The following CTBP2 variants were observed in gnomAD, a reference collection of about 807,000 sequenced individuals.
The protein encoded by CTBP2 is C-terminal binding protein 2.
A neutral mutation model predicts 80.3 loss-of-function variants in CTBP2; 30 were observed. That is an observed-to-expected ratio of 0.37 (90% confidence interval 0.28 to 0.51). CTBP2 has a LOEUF of 0.51. CTBP2 is among the 20% of genes least tolerant of loss of function. The pLI is 0.93. For missense variants in CTBP2, 1,212 were observed against 1,375.3 expected, an observed-to-expected ratio of 0.88 and a Z score of 1.88; for synonymous variants, 594 against 587.4, an observed-to-expected ratio of 1.01 and a Z score of -0.16.
chr10:125,162,337 CA>C (rs1238746643), upstream of CTBP2: 1 of 152,122 alleles, frequency 6.6e-6, no homozygotes, highest in Non-Finnish European at 1.5e-5. Flanking sequence ...CAGCCAGGGC[CA>C]GGGGGCCGGA....
intron 2 of CTBP2, among the ~76,000 whole-genome samples, chr10:125,080,519 T>A (rs972898224): frequency 2.0e-5 from 3 of 152,242 alleles, no homozygotes; most frequent in Non-Finnish European, 1.5e-5. Flanking sequence ...GGCTGCCACC[T>A]GTGCCATCTT....
intron 1 of CTBP2, among the ~76,000 whole-genome samples, chr10:125,129,694 G>A (rs1855834198): frequency 6.6e-6 from 1 of 152,174 alleles, no homozygotes; most frequent in African/African-American, 2.4e-5. Flanking sequence ...AACCTCAGCT[G>A]GGAACATTTT....
At chr10:125,088,573 A>G (rs1246199582) in intron 2 of CTBP2, among the ~76,000 whole-genome samples, 1 of 151,964 alleles carries the variant, frequency 6.6e-6, no homozygotes, top group Non-Finnish European at 1.5e-5. Context: ...AGCTGAAATC[A>G]CCCCGGATAA....
At chr10:124,993,780 C>CA in intron 6 of CTBP2, 75 bp downstream of exon 8, 1 of 1,523,224 alleles carries the variant, frequency 6.6e-7, no homozygotes, top group Non-Finnish European at 8.8e-7. Flanking sequence ...AAAAGGGCCT[C>CA]GAGTTCAAAG....
chr10:125,091,487 C>T (rs569359204), intron 2 of CTBP2, among the ~76,000 whole-genome samples: 17 of 152,160 alleles, frequency 1.1e-4, no homozygotes, highest in Non-Finnish European at 1.5e-4. Flanking sequence ...TAAAAAGTAA[C>T]ATAGGCCAGG....
At chr10:125,078,093 A>AGT (rs1210302690) in intron 2 of CTBP2, among the ~76,000 whole-genome samples, 2 of 152,164 alleles carry the variant, frequency 1.3e-5, no homozygotes, top group Non-Finnish European at 2.9e-5. Context: ...ATCCTGGCTA[A>AGT]CACGGTGAAA....
At chr10:125,078,469 A>T (rs1846638646) in intron 2 of CTBP2, among the ~76,000 whole-genome samples, 1 of 152,024 alleles carries the variant, frequency 6.6e-6, no homozygotes, top group South Asian at 2.1e-4. Flanking sequence ...CGTCACCTCA[A>T]ACTGCCTGTT....
chr10:125,162,169 T>C (rs1231855801), upstream of CTBP2, among the ~76,000 whole-genome samples: 4 of 152,136 alleles, frequency 2.6e-5, no homozygotes, highest in Non-Finnish European at 5.9e-5. Context: ...TATTGAGATA[T>C]TAGGAGCTGG....
chr10:125,127,098 C>T (rs552417473), intron 1 of CTBP2, among the ~76,000 whole-genome samples: 33 of 152,288 alleles, frequency 2.2e-4, no homozygotes, highest in Admixed American at 1.3e-4. Context: ...TAGGCACGGA[C>T]GAAGGAGGGA....
intron 1 of CTBP2, among the ~76,000 whole-genome samples, chr10:125,124,011 G>A (rs369375629): frequency 9.4e-4 from 143 of 152,332 alleles, no homozygotes; most frequent in African/African-American, 3.2e-3. Flanking sequence ...TGGCTAAATC[G>A]AAACTACAGA....
chr10:125,033,783 AG>A (rs1163689506), intron 3 of CTBP2, among the ~76,000 whole-genome samples: 4 of 152,054 alleles, frequency 2.6e-5, no homozygotes, highest in Non-Finnish European at 5.9e-5. Context: ...CGGGACCAAG[AG>A]GACAGGCACT....
intron 1 of CTBP2, among the ~76,000 whole-genome samples, chr10:125,125,288 C>T (rs1238659628): frequency 1.3e-5 from 2 of 152,144 alleles, no homozygotes; most frequent in East Asian, 1.9e-4. Context: ...ATTTGCCATC[C>T]GAGTAGCAAA....
chr10:125,113,861 G>A (rs765089637), intron 1 of CTBP2, among the ~76,000 whole-genome samples: 19 of 152,198 alleles, frequency 1.2e-4, no homozygotes, highest in Non-Finnish European at 2.5e-4. Flanking sequence ...CAACTGTGCT[G>A]CCTGTCCCAG....
chr10:125,056,584 TC>T (rs1485409615), intron 2 of CTBP2, among the ~76,000 whole-genome samples: 1 of 152,158 alleles, frequency 6.6e-6, no homozygotes, highest in Non-Finnish European at 1.5e-5. Flanking sequence ...TGCTGAAAAC[TC>T]ACTCCCTCTA....
intron 1 of CTBP2, among the ~76,000 whole-genome samples, chr10:125,122,492 G>C (rs934840245): frequency 1.3e-5 from 2 of 152,216 alleles, no homozygotes; most frequent in Non-Finnish European, 2.9e-5. Context: ...TGCCAGCACA[G>C]CCCTCACTTG....
intron 2 of CTBP2, 37 bp downstream of exon 4, chr10:125,003,301 G>A (rs1954792216): frequency 6.3e-7 from 1 of 1,599,088 alleles, no homozygotes; most frequent in African/African-American, 1.4e-5. Flanking sequence ...AACTGCCCAA[G>A]GTCAGTGCAG....
At position 125,003,368 on chromosome 10, in the gene CTBP2, G is replaced by A. The variant is rs1058301; in HGVS notation, c.1803C>T (p.Asp601=). 143 of 1,610,668 alleles carry A rather than the reference G, an allele frequency of 8.9e-5. No homozygotes were observed. The East Asian group carries it at 2.5e-3, about 28-fold the overall frequency. The change falls in exon 2 of 9, where the codon GAC becomes GAT. Residue 601 remains aspartate, a synonymous_variant. Coordinates refer to ENST00000309035, the MANE Select transcript of CTBP2 (RefSeq NM_022802.3). ...CGTGGATTTCCTGCGTCGACTGCGC[G>A]TCACAGAAGGCCACAGTGGCCAGGT...
intron 2 of CTBP2, among the ~76,000 whole-genome samples, chr10:125,087,347 C>T (rs1395476397): frequency 6.6e-6 from 1 of 152,220 alleles, no homozygotes; most frequent in East Asian, 1.9e-4. Flanking sequence ...GCTGGGATTA[C>T]AAGCATGAGC....
At chr10:125,047,109 C>T (rs555225661) in intron 2 of CTBP2, among the ~76,000 whole-genome samples, 3 of 151,894 alleles carry the variant, frequency 2.0e-5, no homozygotes, top group East Asian at 3.9e-4. Flanking sequence ...CCAAATATGC[C>T]TTAAAAATAA....
Sources: gnomAD v4.1 joint callset for allele counts (sites outside exome capture counted in the v4.1 genomes callset) on GRCh38, gnomAD v4.1.1 for gene constraint, MANE v1.5 for transcripts, NCBI Gene and HGNC (gene_info 2026-07-23, HGNC 2026-07-21) for gene names.